Variants in CSE1L observed in about 807,000 individuals in gnomAD.
CSE1L encodes the protein chromosome segregation 1 like, also known as exportin-2.
CSE1L carries 24 observed loss-of-function variants against 120.4 expected under a neutral mutation model. That is an observed-to-expected ratio of 0.20 (90% confidence interval 0.14 to 0.28). The LOEUF is 0.28. Among genes scored for constraint, CSE1L ranks in the 10% least tolerant of loss-of-function variants. CSE1L has a pLI of 1.00. For missense variants in CSE1L, 830 were observed against 1,145.2 expected (o/e 0.72, Z 3.97); for synonymous variants, 402 against 398.3 (o/e 1.01, Z -0.11).
At chr20:49,054,142 T>C (rs2091789143) in intron 1 of CSE1L, among the ~76,000 whole-genome samples, 1 of 152,244 alleles carries the variant, frequency 6.6e-6, no homozygotes. Flanking sequence ...TTTTCACACC[T>C]ATAGAGTGGA....
chr20:49,089,249 C>A lies in CSE1L; in HGVS notation c.1824C>A (p.Asn608Lys). The change falls in exon 18 of 25, where the codon AAC (asparagine) becomes AAA (lysine). Residue 608 changes from asparagine (N) to lysine (K), a missense_variant and splice_region_variant. Physicochemically the swap from Asn to Lys is moderately conservative, Grantham distance 94. Transcript: ENST00000262982. ...LTQKLLAVSK[N>K]PSKPHFNHYM... ...AGGTTTTTTTTTTTTAATTTCAGAACCCAAGCAAACCTCACTTTAATCACT... is the reference window on the plus strand; with the variant it reads ...AGGTTTTTTTTTTTTAATTTCAGAAACCAAGCAAACCTCACTTTAATCACT... 1.3e-6 allele frequency: 2 copies of A among 1,563,282 alleles called. No homozygotes were observed. The highest frequency in any genetic ancestry group is 8.6e-7 in the Non-Finnish European group (1 of 1,162,930).
At chr20:49,076,654 C>T (rs892262889) in intron 12 of CSE1L, among the ~76,000 whole-genome samples, 3 of 151,386 alleles carry the variant, frequency 2.0e-5, no homozygotes, top group Admixed American at 6.6e-5. Flanking sequence ...CTCAGCCTCC[C>T]GAGTAGCTAG....
At chr20:49,066,636 T>TGGAATCTGTGACCCA in intron 5 of CSE1L, 126 bp downstream of exon 5, 1 of 836,046 alleles carries the variant, frequency 1.2e-6, no homozygotes. Context: ...AGAGCAGAAG[T>TGGAATCTGTGACCCA]TTCTGTATTG....
At position 49,072,463 on chromosome 20, in the gene CSE1L, T is replaced by C; in HGVS notation, c.936+10T>C. On this transcript the variant is annotated intron_variant, in intron 9 of 24. Coordinates refer to ENST00000262982, the MANE Select transcript of CSE1L (RefSeq NM_001316.4). ...GGTTAAATATGATTTGGTAAGATGA[T>C]GGTGGAGACAAATAATTAAAAGACA... 6.2e-7 allele frequency: 1 copy of C among 1,611,598 alleles called. No individual in the cohort carries two copies. Among genetic ancestry groups the C allele is most frequent in the Non-Finnish European group, 8.5e-7 (1 of 1,177,980 alleles).
chr20:49,050,385 A>ATT (rs1243770980), intron 1 of CSE1L, among the ~76,000 whole-genome samples: 888 of 79,016 alleles, frequency 0.011, 72 homozygotes, highest in African/African-American at 0.04. Context: ...AGCCCAGCTA[A>ATT]TTTTTTTTTT....
At chr20:49,092,272 G>T (rs2092107320) in intron 22 of CSE1L, 145 bp downstream of exon 22, 1 of 551,056 alleles carries the variant, frequency 1.8e-6, no homozygotes, top group Non-Finnish European at 3.1e-6. Context: ...CTTAGGTATT[G>T]GGAGTAAAGA....
At chr20:49,052,289 C>T (rs2123646991) in intron 1 of CSE1L, among the ~76,000 whole-genome samples, 1 of 152,322 alleles carries the variant, frequency 6.6e-6, no homozygotes, top group East Asian at 1.9e-4. Context: ...ACGAAAGTCC[C>T]TGCCCTCAGG....
intron 2 of CSE1L, among the ~76,000 whole-genome samples, chr20:49,060,480 G>GAA (rs144821911): frequency 1.7e-4 from 21 of 125,868 alleles, no homozygotes; most frequent in Admixed American, 1.6e-4. Context: ...CGTCTCAAAA[G>GAA]AAAAAAAAAA....
chr20:49,057,064 G>A lies in CSE1L; in HGVS notation c.-11-1389G>A, dbSNP rs575290223. Reference sequence around the variant, plus strand: ...TTGTGGGCTGGGCACGGTGGCTCACGCCTGTAATCCTAGCACACTGGGAGG... The same window carrying A: ...TTGTGGGCTGGGCACGGTGGCTCACACCTGTAATCCTAGCACACTGGGAGG... On this transcript the variant is annotated intron_variant, in intron 1 of 24. Transcript: ENST00000262982. Among the ~76,000 whole-genome samples the A allele has an allele frequency of 2.0e-4, 31 of 152,238 alleles. No individual in the cohort carries two copies. In the East Asian group the frequency reaches 5.2e-3, roughly 26 times the overall value.
Position 49,068,733 on chromosome 20 carries a change from A to G in CSE1L, c.586A>G (p.Ser196Gly), listed in dbSNP as rs150139793. 1.2e-4 allele frequency: 197 copies of G among 1,613,612 alleles called. No individual in the cohort carries two copies. The East Asian group carries it at 4.1e-3, about 34-fold the overall frequency. The part of the protein sequence containing the change: ...NLFKATIELC[S>G]THANDASALR... Reference sequence around the variant, plus strand: ...TTCCAAGGCCACTATTGAACTCTGCAGTACCCATGCAAATGATGCCTCTGC... The same window carrying G: ...TTCCAAGGCCACTATTGAACTCTGCGGTACCCATGCAAATGATGCCTCTGC... The change falls in exon 7 of 25, where the codon AGT (serine) becomes GGT (glycine). Residue 196 changes from serine (S) to glycine (G), a missense_variant. By Grantham distance (56) the Ser-to-Gly change is moderately conservative. This residue lies in a region of CSE1L where 543 missense variants were observed against 640.2 expected (regional missense o/e 0.85). Transcript: ENST00000262982.
intron 8 of CSE1L, among the ~76,000 whole-genome samples, chr20:49,071,333 CAA>C (rs1398712500): frequency 6.6e-6 from 1 of 152,124 alleles, no homozygotes; most frequent in Non-Finnish European, 1.5e-5. Flanking sequence ...CTTCAGAAAA[CAA>C]AACTTTTCTT....
chr20:49,096,282 G>T, intron 24 of CSE1L, 67 bp from the exon 25 acceptor site: 1 of 1,254,398 alleles, frequency 8.0e-7, no homozygotes, highest in South Asian at 1.2e-5. Flanking sequence ...CTCTCCCGTA[G>T]AAGATGGGGT....
intron 21 of CSE1L, among the ~76,000 whole-genome samples, chr20:49,091,396 A>C (rs1036189300): frequency 6.6e-6 from 1 of 151,868 alleles, no homozygotes; most frequent in East Asian, 1.9e-4. Flanking sequence ...ACTGCACTCC[A>C]TCCTAGGTGA....
At chr20:49,058,634 T>C in intron 2 of CSE1L, 86 bp downstream of exon 2, 6 of 1,024,774 alleles carry the variant, frequency 5.9e-6, no homozygotes, top group Non-Finnish European at 1.5e-6. Flanking sequence ...CTTATAAATA[T>C]ATTTTAAAAA....
At chr20:49,074,236 T>TA (rs1277606157) in intron 10 of CSE1L, among the ~76,000 whole-genome samples, 37 of 147,578 alleles carry the variant, frequency 2.5e-4, no homozygotes, top group South Asian at 1.3e-3. Flanking sequence ...TTTTTTTTTT[T>TA]AATTTATATG....
intron 2 of CSE1L, among the ~76,000 whole-genome samples, chr20:49,061,469 G>C (rs1277490317): frequency 7.2e-6 from 1 of 138,492 alleles, no homozygotes; most frequent in Non-Finnish European, 1.6e-5. Context: ...ACCGTGCCCG[G>C]TGGAAAAATT....
At chr20:49,047,556 TCTC>T (rs1180801748) in intron 1 of CSE1L, among the ~76,000 whole-genome samples, 98 of 106,446 alleles carry the variant, frequency 9.2e-4, no homozygotes, top group African/African-American at 3.1e-3. Context: ...CTTTTTCTTT[TCTC>T]TTTTCTTTTT....
chr20:49,058,287 T>C (rs1228950801), intron 1 of CSE1L, among the ~76,000 whole-genome samples, 166 bp from the exon 2 acceptor site: 2 of 152,282 alleles, frequency 1.3e-5, no homozygotes, highest in East Asian at 3.9e-4. Flanking sequence ...AAAAGGCACA[T>C]CTCATTTGCT....
In CSE1L at chr20:49,067,264, T is replaced by G; in HGVS notation, c.551T>G (p.Leu184Trp). ...KLVLDAFALP[L>W]TNLFKATIEL... ...GTTCTGGATGCCTTTGCTTTGCCTT[T>G]GACTAATCTTTTTAAGGTATGGAAT... The change falls in exon 6 of 25, where the codon TTG (leucine) becomes TGG (tryptophan). Residue 184 changes from leucine to tryptophan, a missense_variant. By Grantham distance (61) the Leu-to-Trp change is moderately conservative. Coordinates refer to ENST00000262982, the MANE Select transcript of CSE1L (RefSeq NM_001316.4). The G allele has an allele frequency of 6.2e-7, 1 of 1,607,126 alleles. No individual in the cohort carries two copies. Among genetic ancestry groups the G allele is most frequent in the Non-Finnish European group, 8.5e-7 (1 of 1,174,876 alleles).
Sources: gnomAD v4.1 joint callset for allele counts (sites outside exome capture counted in the v4.1 genomes callset) on GRCh38, gnomAD v4.1.1 for gene constraint, gnomAD v4.1.1 regional missense constraint, MANE v1.5 for transcripts, NCBI Gene and HGNC (gene_info 2026-07-23, HGNC 2026-07-21) for gene names.